Variants in ABR observed in about 807,000 individuals in gnomAD.
ABR encodes ABR activator of RhoGEF and GTPase, also known as active breakpoint cluster region-related protein.
Under a neutral mutation model 107.2 loss-of-function variants are expected in ABR, and 35 were observed. The observed-to-expected ratio is 0.33, with a 90% CI of 0.25 to 0.43. ABR has a LOEUF of 0.43. Among genes scored for constraint, ABR ranks in the 20% least tolerant of loss-of-function variants. The pLI is 1.00. For synonymous variants in ABR, 498 were observed against 462.0 expected, an observed-to-expected ratio of 1.08 and a Z score of -1.00; for missense variants, 815 against 1,115.2, an observed-to-expected ratio of 0.73 and a Z score of 3.83.
rs2150878599 is a variant in ABR at position 1,027,463 on chromosome 17, G to A, written c.1792-14299C>T. 6.6e-6 allele frequency among the ~76,000 whole-genome samples: 1 copy of A among 152,322 alleles called. No homozygotes were observed. The highest frequency in any genetic ancestry group is 1.5e-5 in the Non-Finnish European group (1 of 68,018). Reference sequence around the variant, plus strand: ...CCTTCATCAGATTCTCAGAGTCCAGGGTTCCCGCTCTGCGGACTCAAGCAA... The same window carrying A: ...CCTTCATCAGATTCTCAGAGTCCAGAGTTCCCGCTCTGCGGACTCAAGCAA... On this transcript the variant is annotated intron_variant, in intron 16 of 22. Transcript: ENST00000302538. The surrounding 1 kb of genome is among the most constrained non-coding windows in gnomAD (Gnocchi z 4.7).
intron 5 of ABR, among the ~76,000 whole-genome samples, chr17:1,081,647 G>A (rs961072383): frequency 1.3e-5 from 2 of 152,136 alleles, no homozygotes; most frequent in African/African-American, 4.8e-5. Flanking sequence ...CGTGATCGCA[G>A]CTCACTGCAA....
intron 16 of ABR, among the ~76,000 whole-genome samples, chr17:1,015,219 C>G (rs1041473594): frequency 2.6e-5 from 4 of 151,850 alleles, no homozygotes; most frequent in African/African-American, 9.7e-5. Flanking sequence ...GAATTCGAGA[C>G]CAGCCTGGCC....
At chr17:1,043,155 G>A (rs1272832615) in intron 16 of ABR, among the ~76,000 whole-genome samples, 1 of 152,148 alleles carries the variant, frequency 6.6e-6, no homozygotes, top group Non-Finnish European at 1.5e-5. Context: ...CTATGGCCAC[G>A]GAGCTGTGCA....
chr17:1,066,945 G>A (rs1327725625), intron 10 of ABR, 132 bp downstream of exon 10: 14 of 872,820 alleles, frequency 1.6e-5, no homozygotes, highest in African/African-American at 1.5e-4. Context: ...TACTGTAGTC[G>A]GGGTCTTTCC....
At chr17:1,153,478 AGGCACACCTACGGGAGGGCTGGGGG>A (rs2040894042) in intron 1 of ABR, among the ~76,000 whole-genome samples, 2 of 122,952 alleles carry the variant, frequency 1.6e-5, no homozygotes, top group African/African-American at 3.5e-5. Flanking sequence ...CTGGGGGTCC[AGGCACACCTACGGGAGGGCTGGGGG>A]TCCAGGCACA....
In ABR at chr17:1,010,984, G is replaced by T; in HGVS notation, c.2102-121C>A. 1 of 1,357,946 alleles carries T rather than the reference G, an allele frequency of 7.4e-7. No individual in the cohort carries two copies. The highest frequency in any genetic ancestry group is 1.0e-6 in the Non-Finnish European group (1 of 982,374). 84.1% of individuals were successfully genotyped at this position (1,357,946 alleles called of 1,614,324 possible). A position where few individuals can be genotyped will look rare whatever the true frequency, so the allele number is the denominator to read the frequency against. On this transcript the variant is annotated intron_variant, in intron 19 of 22. Coordinates refer to ENST00000302538, the MANE Select transcript of ABR (RefSeq NM_021962.5). This position sits in a 1 kb window ranked among gnomAD's most constrained non-coding sequence, Gnocchi z 4.1. ...TCTGGTTCTGGTCTCCCCTGGAAGA[G>T]CAGGATGTAGAGAGGGCCCACAGGT...
intron 2 of ABR, chr17:1,108,870 C>T (rs1257431799): frequency 6.7e-7 from 1 of 1,496,618 alleles, no homozygotes; most frequent in Admixed American, 2.3e-5. Flanking sequence ...AGCCATTTCT[C>T]CCGCGCACCT....
intron 1 of ABR, chr17:1,153,721 A>G (rs868986132): frequency 0.17 from 2,989 of 17,980 alleles, 119 homozygotes; most frequent in East Asian, 0.25. Flanking sequence ...AGGCACACCT[A>G]CGGGAGGGCT....
At chr17:1,185,419 C>T (rs551375773) in intron 1 of ABR, among the ~76,000 whole-genome samples, 18 of 152,110 alleles carry the variant, frequency 1.2e-4, no homozygotes, top group African/African-American at 3.4e-4. Flanking sequence ...CCGAGGCCAG[C>T]GGGTCACCTG....
At chr17:1,108,789 C>CCG (rs2038437117) in intron 2 of ABR, 1 of 1,073,076 alleles carries the variant, frequency 9.3e-7, no homozygotes, top group Non-Finnish European at 1.2e-6. Context: ...CCCTCTCCCC[C>CCG]GGGAACAGCT....
Position 1,072,626 on chromosome 17 carries a change from C to T in ABR, c.882G>A (p.Thr294=), listed in dbSNP as rs151097973. ...DIDPRRTAVT[T]PKGETRQLVK... The stretch of plus-strand genomic sequence containing the variant: ...GCTCTGAGCTCACCTCCCCCTTGGG[C>T]GTTGTCACTGCAGTCCGGCGGGGGT... The change falls in exon 8 of 23, where the codon ACG becomes ACA. Residue 294 remains threonine (T), a synonymous_variant. Coordinates refer to ENST00000302538, the MANE Select transcript of ABR (RefSeq NM_021962.5). 7.5e-5 allele frequency: 120 copies of T among 1,608,506 alleles called. No homozygotes were observed. In the African/African-American group the frequency reaches 1.4e-3, roughly 19 times the overall value.
rs565130978 is a variant in ABR at position 1,125,377 on chromosome 17, G to A, written c.62-10C>T. 1.2e-6 allele frequency: 2 copies of A among 1,612,184 alleles called. No individual in the cohort carries two copies. The highest frequency in any genetic ancestry group is 2.2e-5 in the East Asian group (1 of 44,872). ...GTCCCGTAGCTGAAGTCTGAGACAA[G>A]GAACAAGAAAGGCCACTGAGAATCC... is the stretch of plus-strand genomic sequence containing the variant. On this transcript the variant is annotated splice_polypyrimidine_tract_variant and intron_variant, in intron 1 of 22. Transcript: ENST00000302538.
chr17:1,024,116 G>A (rs1344830722), intron 16 of ABR, among the ~76,000 whole-genome samples: 1 of 150,794 alleles, frequency 6.6e-6, no homozygotes, highest in Non-Finnish European at 1.5e-5. Context: ...CACTTTCTGG[G>A]CATGGAGCTT....
intron 2 of ABR, among the ~76,000 whole-genome samples, chr17:1,117,844 TCCCAGCGTTATTGCCTGAGCCTGAGTC>T (rs2039099492): frequency 2.3e-5 from 2 of 85,510 alleles, no homozygotes; most frequent in African/African-American, 1.1e-4. Flanking sequence ...CCTGAGTCCC[TCCCAGCGTTATTGCCTGAGCCTGAGTC>T]CCTCCCAGCG....
chr17:1,073,531 A>T, intron 7 of ABR, 94 bp downstream of exon 7: 1 of 1,019,226 alleles, frequency 9.8e-7, no homozygotes, highest in Non-Finnish European at 1.3e-6. Flanking sequence ...CCCCAGGTGG[A>T]CTGTTCTCGG....
intron 4 of ABR, among the ~76,000 whole-genome samples, chr17:1,090,535 G>C (rs531995931): frequency 4.6e-5 from 7 of 152,294 alleles, no homozygotes; most frequent in Admixed American, 2.0e-4. Context: ...CAGGACAGGT[G>C]GGGGAGGGGG....
intron 2 of ABR, among the ~76,000 whole-genome samples, chr17:1,108,129 C>T (rs1475779970): frequency 6.6e-6 from 1 of 152,238 alleles, no homozygotes; most frequent in Non-Finnish European, 1.5e-5. Flanking sequence ...CCTCCCTTCT[C>T]GACACAGAAC....
At chr17:1,184,678 T>TC (rs1251628744), upstream of ABR, among the ~76,000 whole-genome samples, 1 of 151,090 alleles carries the variant, frequency 6.6e-6, no homozygotes, top group Non-Finnish European at 1.5e-5. Context: ...TTTTTTTTTT[T>TC]TGAGACAGAG....
intron 1 of ABR, among the ~76,000 whole-genome samples, chr17:1,171,090 C>T (rs899447657): frequency 2.0e-5 from 3 of 152,172 alleles, no homozygotes; most frequent in African/African-American, 4.8e-5. Flanking sequence ...GGAGAGACTC[C>T]CTCAAAAAGA....
Sources: allele counts gnomAD v4.1 joint callset (sites outside exome capture counted in the v4.1 genomes callset), GRCh38; gene constraint gnomAD v4.1.1; non-coding constraint Gnocchi (gnomAD v3.1); transcripts MANE v1.5; gene names NCBI Gene and HGNC (gene_info 2026-07-23, HGNC 2026-07-21).